LRBA: variants seen among roughly 807,000 people sequenced by gnomAD.
LRBA encodes lipopolysaccharide-responsive and beige-like anchor protein.
A neutral mutation model predicts 330.0 loss-of-function variants in LRBA; 176 were observed. The ratio of observed to expected loss-of-function variants is 0.53; its 90% CI spans 0.47 to 0.60. LRBA has a LOEUF of 0.60. LRBA is among the 20% of genes least tolerant of loss of function. The pLI is 0.00. For synonymous variants in LRBA, 1,230 were observed against 1,193.0 expected (o/e 1.03, Z -0.64); for missense variants, 3,259 against 3,444.8 (o/e 0.95, Z 1.35).
intron 40 of LRBA, among the ~76,000 whole-genome samples, chr4:150,511,972 C>A (rs904484686): frequency 6.6e-6 from 1 of 152,192 alleles, no homozygotes; most frequent in African/African-American, 2.4e-5. Context: ...TTGTAAATGT[C>A]TCCCTCACTA....
At chr4:150,637,963 G>A (rs1292822513) in intron 37 of LRBA, among the ~76,000 whole-genome samples, 5 of 151,828 alleles carry the variant, frequency 3.3e-5, no homozygotes, top group East Asian at 3.9e-4. Flanking sequence ...TTTGGGTTCC[G>A]ACTACCAATT....
intron 36 of LRBA, among the ~76,000 whole-genome samples, chr4:150,713,144 C>CA (rs1328566165): frequency 6.6e-6 from 1 of 152,102 alleles, no homozygotes; most frequent in Non-Finnish European, 1.5e-5. Context: ...CTATATTACT[C>CA]ATGCTGGTCT....
intron 38 of LRBA, among the ~76,000 whole-genome samples, chr4:150,593,928 T>A (rs1482425944): frequency 1.3e-5 from 2 of 152,124 alleles, no homozygotes; most frequent in Non-Finnish European, 2.9e-5. Flanking sequence ...AATATAATTA[T>A]CCCTTCCAAT....
intron 30 of LRBA, among the ~76,000 whole-genome samples, chr4:150,820,883 C>T (rs1031485160): frequency 6.6e-6 from 1 of 151,938 alleles, no homozygotes; most frequent in African/African-American, 2.4e-5. Flanking sequence ...CCACAGTTAA[C>T]AAAAATAATC....
chr4:150,361,682 G>C (rs1178263443), intron 47 of LRBA, among the ~76,000 whole-genome samples: 1 of 152,076 alleles, frequency 6.6e-6, no homozygotes. Context: ...GTATAACCCA[G>C]GCTAGATGAG....
chr4:150,740,363 T>TA (rs1202664176), intron 35 of LRBA, among the ~76,000 whole-genome samples: 5 of 151,430 alleles, frequency 3.3e-5, no homozygotes, highest in Non-Finnish European at 7.4e-5. Context: ...AAATAGAAAA[T>TA]AAAAAATACA....
intron 44 of LRBA, among the ~76,000 whole-genome samples, chr4:150,456,158 C>T (rs1226038080): frequency 1.3e-5 from 2 of 152,076 alleles, no homozygotes; most frequent in African/African-American, 4.8e-5. Context: ...CTCTTTGATA[C>T]ACTGATTTCC....
chr4:150,913,941 C>T (rs546116999), intron 9 of LRBA, among the ~76,000 whole-genome samples: 2 of 152,236 alleles, frequency 1.3e-5, no homozygotes, highest in African/African-American at 2.4e-5. Flanking sequence ...AGTCATGCAA[C>T]GTGAAATAAG....
intron 56 of LRBA, among the ~76,000 whole-genome samples, chr4:150,271,679 G>A (rs7677475): frequency 0.5 from 75,767 of 151,092 alleles, 19,931 homozygotes; most frequent in South Asian, 0.59. Context: ...GGGGGGAGGA[G>A]CGTCCGCCAT....
intron 17 of LRBA, among the ~76,000 whole-genome samples, chr4:150,881,111 T>A (rs976909447): frequency 6.6e-6 from 1 of 152,208 alleles, no homozygotes; most frequent in African/African-American, 2.4e-5. Context: ...GAAAGCAGCT[T>A]GGAGATTTCT....
chr4:150,853,165 T>C (rs939948592), intron 22 of LRBA, among the ~76,000 whole-genome samples: 3 of 152,146 alleles, frequency 2.0e-5, no homozygotes, highest in Admixed American at 1.3e-4. Flanking sequence ...TAACACAGCA[T>C]GAAACCACAA....
At chr4:150,399,042 CAATTT>C (rs1241769440) in intron 47 of LRBA, among the ~76,000 whole-genome samples, 1 of 152,098 alleles carries the variant, frequency 6.6e-6, no homozygotes, top group Non-Finnish European at 1.5e-5. Context: ...AGAATTCTTG[CAATTT>C]AATTTTAGTA....
chr4:150,355,671 GA>G (rs1274323077), intron 47 of LRBA, among the ~76,000 whole-genome samples: 1 of 151,918 alleles, frequency 6.6e-6, no homozygotes, highest in Non-Finnish European at 1.5e-5. Context: ...TTTCAAATGA[GA>G]AAATGAAAAT....
chr4:150,998,352 T>C (rs1742924682), intron 2 of LRBA, among the ~76,000 whole-genome samples: 2 of 137,244 alleles, frequency 1.5e-5, no homozygotes, highest in South Asian at 2.3e-4. Flanking sequence ...AAACTCCGTC[T>C]CAAAAAAAAA....
Position 150,302,773 on chromosome 4 carries a change from C to T in LRBA, c.7869G>A (p.Val2623=), listed in dbSNP as rs558471677. The change falls in exon 53 of 57, where the codon GTG becomes GTA. Residue 2623 remains valine, a synonymous_variant. Transcript: ENST00000651943. ...AAGTGACGACATCCCAATGGCCAAA[C>T]ACCACTTGGATCAATCTTCCTGTAA... The part of the protein sequence containing the change: ...STDTGRLIQV[V]FGHWDVVTCL... 1 of 1,603,012 alleles carries T rather than the reference C, an allele frequency of 6.2e-7. No homozygotes were observed. The highest frequency in any genetic ancestry group is 1.1e-5 in the South Asian group (1 of 88,592).
intron 2 of LRBA, among the ~76,000 whole-genome samples, chr4:150,953,961 C>T (rs1401732442): frequency 2.5e-4 from 34 of 138,566 alleles, no homozygotes; most frequent in Non-Finnish European, 3.3e-4. Flanking sequence ...GTGGGGAGCG[C>T]CTCTGCCCCG....
intron 17 of LRBA, among the ~76,000 whole-genome samples, chr4:150,877,686 T>A (rs571676610): frequency 1.2e-4 from 18 of 152,270 alleles, no homozygotes; most frequent in African/African-American, 4.1e-4. Flanking sequence ...TTGGACCTAA[T>A]AGACATCTAT....
chr4:150,407,873 A>AT (rs1746418601), intron 47 of LRBA, among the ~76,000 whole-genome samples: 1 of 152,202 alleles, frequency 6.6e-6, no homozygotes, highest in Non-Finnish European at 1.5e-5. Context: ...ACAAGGAAAC[A>AT]AAATATCAAA....
chr4:150,591,444 C>CTCCT lies in LRBA; in HGVS notation c.6047-589_6047-586dup, dbSNP rs772015788. 1.7e-4 allele frequency among the ~76,000 whole-genome samples: 26 copies of CTCCT among 152,300 alleles called. 2 individuals carry two copies. The highest frequency in any genetic ancestry group is 1.2e-3 in the East Asian group (6 of 5,188). ...GCAATCTCTTCTTTATCCACCCTCCCTCCTTCCTTCCTTCACATTACCCTC... is the reference window on the plus strand; with the variant it reads ...GCAATCTCTTCTTTATCCACCCTCCCTCCTTCCTTCCTTCCTTCACATTACCCTC... On this transcript the variant is annotated intron_variant, in intron 38 of 56. Coordinates refer to ENST00000651943, the MANE Select transcript of LRBA (RefSeq NM_001364905.1).
Sources: allele counts gnomAD v4.1 joint callset (sites outside exome capture counted in the v4.1 genomes callset), GRCh38; gene constraint gnomAD v4.1.1; transcripts MANE v1.5; gene names NCBI Gene and HGNC (gene_info 2026-07-23, HGNC 2026-07-21).